Variants in PTPRT observed in about 807,000 individuals in gnomAD.
PTPRT encodes the protein protein tyrosine phosphatase receptor type T.
In PTPRT, 56 loss-of-function variants were observed where a neutral mutation model predicts 176.8. The observed-to-expected ratio is 0.32, with a 90% CI of 0.26 to 0.40. The LOEUF (loss-of-function observed/expected upper bound fraction) is 0.40, where lower values mean the gene tolerates loss of function less well. Among genes scored for constraint, PTPRT ranks in the 10% least tolerant of loss-of-function variants. The pLI is 1.00. For missense variants in PTPRT, 1,540 were observed against 1,908.2 expected (o/e 0.81, Z 3.60); for synonymous variants, 783 against 739.0 (o/e 1.06, Z -0.96).
At chr20:42,935,812 C>T (rs206643) in intron 1 of PTPRT, among the ~76,000 whole-genome samples, 3,418 of 152,254 alleles carry the variant, frequency 0.022, 152 homozygotes, top group African/African-American at 0.077. Context: ...TGCAATGGCG[C>T]GATCTTGGCT....
At position 43,089,972 on chromosome 20, in the gene PTPRT, G is replaced by C. The variant is rs143911509; in HGVS notation, c.88+99674C>G. On this transcript the variant is annotated intron_variant, in intron 1 of 30. Coordinates refer to ENST00000373187, the MANE Select transcript of PTPRT (RefSeq NM_007050.6). Reference sequence around the variant, plus strand: ...GGAGCAGCACAACTTGCCTGCTTTTGTTCCACAAATGTCCAAGTGAAATCC... The same window carrying C: ...GGAGCAGCACAACTTGCCTGCTTTTCTTCCACAAATGTCCAAGTGAAATCC... Among the ~76,000 whole-genome samples, 121 of 152,290 alleles carry C rather than the reference G, an allele frequency of 7.9e-4. 1 individual carries two copies. The highest frequency in any genetic ancestry group is 3.5e-3 in the East Asian group (18 of 5,180).
intron 7 of PTPRT, among the ~76,000 whole-genome samples, chr20:42,663,015 T>G (rs932456392): frequency 1.3e-5 from 2 of 152,048 alleles, no homozygotes; most frequent in African/African-American, 2.4e-5. Flanking sequence ...TATATATACA[T>G]GAATATATAT....
At chr20:42,702,309 T>C (rs926482) in intron 6 of PTPRT, among the ~76,000 whole-genome samples, 77,448 of 151,964 alleles carry the variant, frequency 0.51, 22,175 homozygotes, top group African/African-American at 0.79. Flanking sequence ...AGGTATTCTC[T>C]TCATCTTCTC....
chr20:43,189,671 G>C lies in PTPRT; in HGVS notation c.63C>G (p.Pro21=), dbSNP rs1354734591. 1 of 1,318,490 alleles carries C rather than the reference G, an allele frequency of 7.6e-7. No homozygotes were observed. The highest frequency in any genetic ancestry group is 1.5e-5 in the African/African-American group (1 of 64,686). The allele number at this position is 1,318,490 out of a possible 1,614,324, so 81.7% of individuals were successfully genotyped here. A position where few individuals can be genotyped will look rare whatever the true frequency, so the allele number is the denominator to read the frequency against. The part of the protein sequence containing the change: ...LLLRLQLPPL[P]GARAQSAAGG... ...CTGCGGCGCTCTGAGCCCGGGCGCC[G>C]GGCAGTGGCGGCAGCTGCAGCCTCA... Residue 21 remains proline, a synonymous_variant, in exon 1 of 31, where the codon CCC becomes CCG. Coordinates refer to ENST00000373187, the MANE Select transcript of PTPRT (RefSeq NM_007050.6). The surrounding 1 kb of genome is among the most constrained non-coding windows in gnomAD (Gnocchi z 5.0).
chr20:43,087,610 T>C, intron 1 of PTPRT, among the ~76,000 whole-genome samples: 1 of 152,084 alleles, frequency 6.6e-6, no homozygotes, highest in East Asian at 1.9e-4. Context: ...GTGATCTGCC[T>C]GCCTCGGCCT....
At chr20:42,257,667 C>T in intron 13 of PTPRT, among the ~76,000 whole-genome samples, 1 of 130,966 alleles carries the variant, frequency 7.6e-6, no homozygotes, top group Admixed American at 8.1e-5. Flanking sequence ...GCCCACTACT[C>T]TCTCTTGATC....
At chr20:42,230,638 C>A (rs2056114648) in intron 15 of PTPRT, among the ~76,000 whole-genome samples, 1 of 152,120 alleles carries the variant, frequency 6.6e-6, no homozygotes, top group African/African-American at 2.4e-5. Context: ...TCTCTCGTTG[C>A]CCTTCACCAA....
intron 5 of PTPRT, among the ~76,000 whole-genome samples, chr20:42,765,129 T>C (rs755399753): frequency 2.6e-5 from 4 of 151,324 alleles, no homozygotes; most frequent in Non-Finnish European, 4.4e-5. Context: ...ACACTGTCCC[T>C]ACAGAGATCT....
intron 2 of PTPRT, among the ~76,000 whole-genome samples, chr20:42,810,810 T>G (rs2077687282): frequency 6.6e-6 from 1 of 152,218 alleles, no homozygotes; most frequent in African/African-American, 2.4e-5. Context: ...ACTTCCACCA[T>G]AGAAGTCTTT....
At chr20:42,686,009 T>C (rs2075684762) in intron 6 of PTPRT, 1 of 152,176 alleles carries the variant, frequency 6.6e-6, no homozygotes, top group South Asian at 2.1e-4. Context: ...AATAGTTCAC[T>C]AACAAGGAGA....
At chr20:42,280,612 G>A (rs1282843238) in intron 13 of PTPRT, among the ~76,000 whole-genome samples, 1 of 152,144 alleles carries the variant, frequency 6.6e-6, no homozygotes, top group Non-Finnish European at 1.5e-5. Flanking sequence ...TTCACTTAAG[G>A]AAAGATGGTA....
chr20:42,959,282 G>A (rs554987), intron 1 of PTPRT, among the ~76,000 whole-genome samples: 2,902 of 152,208 alleles, frequency 0.019, 92 homozygotes, highest in African/African-American at 0.066. Context: ...CATAGAAAGT[G>A]CCATGTAAGT....
chr20:42,446,579 AAT>A (rs2070735553), intron 9 of PTPRT, among the ~76,000 whole-genome samples: 1 of 110,416 alleles, frequency 9.1e-6, no homozygotes. Flanking sequence ...ATTTCATGTA[AAT>A]GTGTGTGTGT....
At chr20:42,523,496 A>G (rs2072213939) in intron 7 of PTPRT, among the ~76,000 whole-genome samples, 1 of 152,076 alleles carries the variant, frequency 6.6e-6, no homozygotes, top group African/African-American at 2.4e-5. Context: ...TGTTTTGTAA[A>G]TATTGTTCAT....
At chr20:42,539,691 C>A (rs949304267) in intron 7 of PTPRT, among the ~76,000 whole-genome samples, 25 of 150,946 alleles carry the variant, frequency 1.7e-4, no homozygotes, top group Middle Eastern at 3.5e-3. Flanking sequence ...TACTAACATC[C>A]CCAGAGAGAT....
At chr20:42,656,465 A>G (rs1296852612) in intron 7 of PTPRT, among the ~76,000 whole-genome samples, 1 of 152,192 alleles carries the variant, frequency 6.6e-6, no homozygotes, top group South Asian at 2.1e-4. Flanking sequence ...ACTTGTTTGC[A>G]GAGTTATTGT....
At chr20:42,220,335 C>T (rs1169766766) in intron 15 of PTPRT, among the ~76,000 whole-genome samples, 1 of 152,162 alleles carries the variant, frequency 6.6e-6, no homozygotes, top group Non-Finnish European at 1.5e-5. Context: ...AGATTCAATG[C>T]AAACCCAGTC....
chr20:42,771,670 G>A (rs1206215629), intron 4 of PTPRT, 120 bp from the exon 5 acceptor site: 1 of 737,160 alleles, frequency 1.4e-6, no homozygotes, highest in Non-Finnish European at 2.4e-6. Flanking sequence ...TTAAGAAGTA[G>A]CCCGGCTCAG....
intron 13 of PTPRT, among the ~76,000 whole-genome samples, chr20:42,249,042 T>C (rs2056505682): frequency 6.6e-6 from 1 of 152,212 alleles, no homozygotes; most frequent in African/African-American, 2.4e-5. Context: ...GAAACTGACA[T>C]GCAGAGAAAT....
Sources: gnomAD v4.1 joint callset for allele counts (sites outside exome capture counted in the v4.1 genomes callset) on GRCh38, gnomAD v4.1.1 for gene constraint, Gnocchi (gnomAD v3.1) non-coding constraint, MANE v1.5 for transcripts, NCBI Gene and HGNC (gene_info 2026-07-23, HGNC 2026-07-21) for gene names.